ROBO2: variants seen among roughly 807,000 people sequenced by gnomAD.
ROBO2 encodes the protein roundabout homolog 2.
ROBO2 carries 53 observed loss-of-function variants against 160.8 expected under a neutral mutation model. That is an observed-to-expected ratio of 0.33 (90% confidence interval 0.26 to 0.41). The LOEUF is 0.41. Among genes scored for constraint, ROBO2 ranks in the 10% least tolerant of loss-of-function variants. The probability of loss-of-function intolerance (pLI) is 1.00; values close to 1 mark genes in which losing one functional copy is unlikely to be tolerated. For synonymous variants in ROBO2, 664 were observed against 611.7 expected (o/e 1.09, Z -1.26); for missense variants, 1,577 against 1,722.4 (o/e 0.92, Z 1.49).
intron 2 of ROBO2, among the ~76,000 whole-genome samples, chr3:76,232,587 G>T (rs1306006892): frequency 6.6e-6 from 1 of 152,182 alleles, no homozygotes; most frequent in African/African-American, 2.4e-5. Context: ...TCACATATCA[G>T]AAACAGTCAT....
intron 2 of ROBO2, among the ~76,000 whole-genome samples, chr3:76,566,147 G>T (rs1334401631): frequency 1.3e-5 from 2 of 152,204 alleles, no homozygotes; most frequent in African/African-American, 4.8e-5. Flanking sequence ...CAGAACAGTA[G>T]ATACTGTGGA....
chr3:76,436,254 G>T (rs1210131121), intron 2 of ROBO2, among the ~76,000 whole-genome samples: 1 of 151,626 alleles, frequency 6.6e-6, no homozygotes, highest in Non-Finnish European at 1.5e-5. Context: ...ACATTGTGCA[G>T]GTTAGTTACA....
chr3:76,749,238 G>C (rs544225199), intron 2 of ROBO2, among the ~76,000 whole-genome samples: 1 of 151,028 alleles, frequency 6.6e-6, no homozygotes, highest in South Asian at 2.1e-4. Flanking sequence ...CATTATTTTT[G>C]TAATAATTTC....
chr3:76,532,708 T>A (rs544487934), intron 2 of ROBO2, among the ~76,000 whole-genome samples: 1 of 152,106 alleles, frequency 6.6e-6, no homozygotes, highest in Non-Finnish European at 1.5e-5. Context: ...AAAAGATGCA[T>A]GTTCTAAGCA....
intron 1 of ROBO2, among the ~76,000 whole-genome samples, chr3:77,046,694 C>T (rs929823281): frequency 6.6e-6 from 1 of 152,124 alleles, no homozygotes; most frequent in South Asian, 2.1e-4. Context: ...GATTCTTAGC[C>T]CTGGAACTCC....
chr3:75,957,896 T>C (rs190734983), intron 2 of ROBO2, among the ~76,000 whole-genome samples: 1 of 151,814 alleles, frequency 6.6e-6, no homozygotes, highest in African/African-American at 2.4e-5. Context: ...ACAAACAGAA[T>C]CTCATCTTAA....
intron 2 of ROBO2, chr3:76,433,978 G>A (rs2076552604): frequency 1.3e-6 from 1 of 798,608 alleles, no homozygotes; most frequent in East Asian, 2.4e-5. Flanking sequence ...GAAAATTAAG[G>A]GCAGTCCAGA....
chr3:76,705,382 A>G (rs1337344745), intron 2 of ROBO2, among the ~76,000 whole-genome samples: 1 of 152,150 alleles, frequency 6.6e-6, no homozygotes, highest in Non-Finnish European at 1.5e-5. Flanking sequence ...GACAAAAATC[A>G]TACACACAGT....
In ROBO2 at chr3:77,055,668, C is replaced by T. The variant is rs973206164; in HGVS notation, c.61+14822C>T. On this transcript the variant is annotated intron_variant, in intron 1 of 25. Coordinates refer to ENST00000461745, the Ensembl canonical transcript of ROBO2. ...TTCCATGAATTGGATTGGATTATAACTTGTGTGAAATAAATGTAACAAAAC... is the reference window on the plus strand; with the variant it reads ...TTCCATGAATTGGATTGGATTATAATTTGTGTGAAATAAATGTAACAAAAC... 5.3e-5 allele frequency among the ~76,000 whole-genome samples: 8 copies of T among 152,250 alleles called. No homozygotes were observed. The South Asian group carries it at 1.7e-3, about 32-fold the overall frequency.
At chr3:75,909,136 T>C (rs765387194) in intron 1 of ROBO2, among the ~76,000 whole-genome samples, 16 of 152,222 alleles carry the variant, frequency 1.1e-4, no homozygotes, top group Non-Finnish European at 1.9e-4. Flanking sequence ...ATAAGTACTT[T>C]GGTGTCTGAC....
At chr3:76,878,292 A>G (rs913082234) in intron 2 of ROBO2, among the ~76,000 whole-genome samples, 3 of 152,200 alleles carry the variant, frequency 2.0e-5, no homozygotes, top group African/African-American at 7.2e-5. Context: ...ATCTTTTTGG[A>G]AAGACTCATA....
chr3:76,838,871 T>A (rs2067963798), intron 2 of ROBO2, among the ~76,000 whole-genome samples: 1 of 152,118 alleles, frequency 6.6e-6, no homozygotes. Context: ...CCAAGAGGAA[T>A]GTTAGGAGAA....
intron 2 of ROBO2, among the ~76,000 whole-genome samples, chr3:77,298,839 A>G (rs930830829): frequency 1.3e-5 from 2 of 152,176 alleles, no homozygotes; most frequent in Non-Finnish European, 2.9e-5. Flanking sequence ...CCCTGCCCTG[A>G]AAGTTCTTAT....
Position 76,545,175 on chromosome 3 carries a change from C to T in ROBO2, c.110-552839C>T, listed in dbSNP as rs778737329. ...AGAGACCCAAGTTAAGTGGATACTT[C>T]GATTTTTCTCTAGGGTACTAGGCCT... On this transcript the variant is annotated intron_variant, in intron 2 of 26. Transcript: ENST00000487694. 3.3e-5 allele frequency among the ~76,000 whole-genome samples: 5 copies of T among 151,880 alleles called. No individual in the cohort carries two copies. The East Asian group carries it at 5.8e-4, about 18-fold the overall frequency.
At chr3:76,521,045 CTTTTTTTTTTT>C (rs58517740) in intron 2 of ROBO2, among the ~76,000 whole-genome samples, 1 of 100,122 alleles carries the variant, frequency 1.0e-5, no homozygotes, top group Non-Finnish European at 1.9e-5. Context: ...AAAATTGCTT[CTTTTTTTTTTT>C]TTTTTTTTTT....
At chr3:77,173,389 A>G (rs1211971213) in intron 2 of ROBO2, among the ~76,000 whole-genome samples, 1 of 152,030 alleles carries the variant, frequency 6.6e-6, no homozygotes, top group African/African-American at 2.4e-5. Flanking sequence ...CAAAAAAACA[A>G]TTTAGCAAGT....
intron 2 of ROBO2, among the ~76,000 whole-genome samples, chr3:75,975,605 T>C (rs2065114930): frequency 6.6e-6 from 1 of 151,536 alleles, no homozygotes; most frequent in Non-Finnish European, 1.5e-5. Flanking sequence ...TTTCAAGTAA[T>C]ATGATCCTTG....
intron 2 of ROBO2, among the ~76,000 whole-genome samples, chr3:77,221,881 T>A (rs1187277618): frequency 6.9e-6 from 1 of 144,954 alleles, no homozygotes; most frequent in African/African-American, 2.6e-5. Flanking sequence ...TGAGACAGAG[T>A]CTTGCTCTGT....
chr3:77,399,178 A>C lies in ROBO2; in HGVS notation c.389-78236A>C, dbSNP rs77621586. Among the ~76,000 whole-genome samples the C allele has an allele frequency of 9.6e-3, 1,457 of 152,282 alleles. 20 individuals are homozygous for C. The highest frequency in any genetic ancestry group is 0.033 in the African/African-American group (1,366 of 41,554). On this transcript the variant is annotated intron_variant, in intron 2 of 25. Coordinates refer to ENST00000461745, the Ensembl canonical transcript of ROBO2. ...TACTTGGGGCAGTAAATGATTCTAG[A>C]AAGGCACTTAAAACAGTTAACTACT...
Sources: allele counts gnomAD v4.1 joint callset (sites outside exome capture counted in the v4.1 genomes callset), GRCh38; gene constraint gnomAD v4.1.1; transcripts MANE v1.5; gene names NCBI Gene and HGNC (gene_info 2026-07-23, HGNC 2026-07-21).